FOXP2: variants seen among roughly 807,000 people sequenced by gnomAD.
FOXP2 encodes forkhead box P2.
In FOXP2, 12 loss-of-function variants were observed where a neutral mutation model predicts 115.8. The observed-to-expected ratio is 0.10, with a 90% CI of 0.07 to 0.17. The LOEUF is 0.17. Ranked by LOEUF, FOXP2 falls within the 10% of genes least tolerant of loss-of-function variation. The probability of loss-of-function intolerance (pLI) is 1.00; values close to 1 mark genes in which losing one functional copy is unlikely to be tolerated. For synonymous variants in FOXP2, 328 were observed against 297.7 expected, an observed-to-expected ratio of 1.10 and a Z score of -1.05; for missense variants, 629 against 843.5, an observed-to-expected ratio of 0.75 and a Z score of 3.15.
At chr7:114,645,373 A>T (rs534520290) in intron 8 of FOXP2, 1 of 151,768 alleles carries the variant, frequency 6.6e-6, no homozygotes, top group Non-Finnish European at 1.5e-5. Context: ...ACACATGGCT[A>T]TATGTTTGTA....
chr7:114,628,242 A>G (rs1389066589), intron 3 of FOXP2, among the ~76,000 whole-genome samples: 1 of 152,144 alleles, frequency 6.6e-6, no homozygotes, highest in African/African-American at 2.4e-5. Flanking sequence ...GAACACCACC[A>G]TGTGGTTGTT....
intron 1 of FOXP2, among the ~76,000 whole-genome samples, chr7:114,237,233 C>G (rs1354238056): frequency 6.6e-6 from 1 of 152,120 alleles, no homozygotes; most frequent in Non-Finnish European, 1.5e-5. Context: ...TGACTATTAT[C>G]TTCTACCAAG....
chr7:114,499,190 T>G (rs1797454778), intron 2 of FOXP2: 1 of 410,756 alleles, frequency 2.4e-6, no homozygotes, highest in Non-Finnish European at 4.4e-6. Context: ...TCACTTTTGC[T>G]CAATACCTAT....
At position 114,404,077 on chromosome 7, in the gene FOXP2, G is replaced by T. The variant is rs1792957645; in HGVS notation, c.-10-22425G>T. On this transcript the variant is annotated intron_variant, in intron 2 of 17. Transcript: ENST00000634411. ...TTATATATGGTTAGCTTTATGAATG[G>T]CTTACCATTCATTAAATGGGTAAAC... Among the ~76,000 whole-genome samples the T allele has an allele frequency of 3.3e-5, 5 of 152,076 alleles. No individual in the cohort carries two copies. In the South Asian group the frequency reaches 1.0e-3, roughly 32 times the overall value.
At chr7:114,502,364 T>TA (rs1562963270) in intron 2 of FOXP2, among the ~76,000 whole-genome samples, 1 of 152,108 alleles carries the variant, frequency 6.6e-6, no homozygotes, top group Non-Finnish European at 1.5e-5. Context: ...GAAAAAACAC[T>TA]AGCCATGTTC....
At chr7:114,580,391 A>G (rs1018166166) in intron 3 of FOXP2, among the ~76,000 whole-genome samples, 1 of 152,196 alleles carries the variant, frequency 6.6e-6, no homozygotes, top group Non-Finnish European at 1.5e-5. Flanking sequence ...CAGCCTGACC[A>G]ACATGGTGAA....
At chr7:114,173,825 T>G (rs1224998395) in intron 1 of FOXP2, among the ~76,000 whole-genome samples, 1 of 151,984 alleles carries the variant, frequency 6.6e-6, no homozygotes, top group Non-Finnish European at 1.5e-5. Flanking sequence ...CAGAATGATT[T>G]TTTCTGTGTT....
chr7:114,641,462 G>C (rs1312495043), intron 6 of FOXP2, among the ~76,000 whole-genome samples: 1 of 152,094 alleles, frequency 6.6e-6, no homozygotes, highest in African/African-American at 2.4e-5. Flanking sequence ...GAGAAGTTTA[G>C]ATATAATCTT....
chr7:114,550,290 G>T (rs1393263256), intron 3 of FOXP2, among the ~76,000 whole-genome samples: 1 of 151,724 alleles, frequency 6.6e-6, no homozygotes, highest in Admixed American at 6.6e-5. Context: ...GCTAATTTTT[G>T]TATTTTTAGT....
At chr7:114,565,054 A>G (rs779605217) in intron 3 of FOXP2, among the ~76,000 whole-genome samples, 19 of 151,724 alleles carry the variant, frequency 1.3e-4, no homozygotes, top group Non-Finnish European at 5.9e-5. Flanking sequence ...CTGAATCTCA[A>G]TATAATTCTC....
intron 3 of FOXP2, among the ~76,000 whole-genome samples, chr7:114,620,988 A>G (rs1426083234): frequency 6.6e-6 from 1 of 152,026 alleles, no homozygotes; most frequent in Non-Finnish European, 1.5e-5. Flanking sequence ...CTCTCCTACC[A>G]TTTGAAATTA....
chr7:114,375,231 A>C (rs1448326054), intron 2 of FOXP2, among the ~76,000 whole-genome samples: 2 of 152,226 alleles, frequency 1.3e-5, no homozygotes, highest in Non-Finnish European at 2.9e-5. Flanking sequence ...ATACTCCATT[A>C]GTCATTTGGA....
At chr7:114,604,619 G>A (rs963106418) in intron 3 of FOXP2, among the ~76,000 whole-genome samples, 3 of 152,080 alleles carry the variant, frequency 2.0e-5, no homozygotes, top group African/African-American at 7.2e-5. Context: ...CATTTTTAAG[G>A]CTGGTAGAGA....
At position 114,517,705 on chromosome 7, in the gene FOXP2, T is replaced by A. The variant is rs558066753; in HGVS notation, c.169-16912T>A. Among the ~76,000 whole-genome samples, 15 of 152,334 alleles carry A rather than the reference T, an allele frequency of 9.8e-5. No homozygotes were observed. In the South Asian group the frequency reaches 3.1e-3, roughly 32 times the overall value. On this transcript the variant is annotated intron_variant, in intron 2 of 16. Transcript: ENST00000350908. Reference sequence around the variant, plus strand: ...CTTTGTGTCTGTTTTTATGCCAGTATCATGCTGTTTTCATTGCTATAGCTT... The same window carrying A: ...CTTTGTGTCTGTTTTTATGCCAGTAACATGCTGTTTTCATTGCTATAGCTT...
chr7:114,581,375 G>T (rs1198572832), intron 3 of FOXP2, among the ~76,000 whole-genome samples: 1 of 151,756 alleles, frequency 6.6e-6, no homozygotes, highest in Non-Finnish European at 1.5e-5. Context: ...GTAGAGATGG[G>T]GTTTCACCAT....
intron 1 of FOXP2, among the ~76,000 whole-genome samples, chr7:114,212,237 G>T (rs1794377926): frequency 1.3e-5 from 2 of 151,692 alleles, no homozygotes; most frequent in African/African-American, 4.8e-5. Context: ...TTTTGTGTGT[G>T]TTCTGCTTTC....
intron 2 of FOXP2, among the ~76,000 whole-genome samples, chr7:114,406,854 C>A (rs1451587387): frequency 1.3e-5 from 2 of 151,922 alleles, no homozygotes; most frequent in African/African-American, 4.8e-5. Flanking sequence ...TTTATCGCTA[C>A]AGTACAGTAT....
At chr7:114,439,563 A>G (rs1057228313) in intron 2 of FOXP2, among the ~76,000 whole-genome samples, 1 of 151,822 alleles carries the variant, frequency 6.6e-6, no homozygotes, top group Non-Finnish European at 1.5e-5. Flanking sequence ...TTATTTATTT[A>G]TTTATTTTAT....
intron 3 of FOXP2, among the ~76,000 whole-genome samples, chr7:114,584,304 T>G (rs1802018624): frequency 1.3e-5 from 2 of 152,154 alleles, no homozygotes; most frequent in Admixed American, 1.3e-4. Flanking sequence ...TTATCTGCCT[T>G]GAACACTTTG....
Sources: gnomAD v4.1 joint callset for allele counts (sites outside exome capture counted in the v4.1 genomes callset) on GRCh38, gnomAD v4.1.1 for gene constraint, MANE v1.5 for transcripts, NCBI Gene and HGNC (gene_info 2026-07-23, HGNC 2026-07-21) for gene names.